Variants in TFEB observed in about 807,000 individuals in gnomAD.
TFEB encodes the protein transcription factor EB.
Under a neutral mutation model 48.0 loss-of-function variants are expected in TFEB, and 12 were observed. The ratio of observed to expected loss-of-function variants is 0.25; its 90% confidence interval spans 0.16 to 0.40. The LOEUF (loss-of-function observed/expected upper bound fraction) is 0.40, where lower values mean the gene tolerates loss of function less well. Among genes scored for constraint, TFEB ranks in the 10% least tolerant of loss-of-function variants. The probability of loss-of-function intolerance (pLI) is 1.00; values close to 1 mark genes in which losing one functional copy is unlikely to be tolerated. For missense variants in TFEB, 509 were observed against 640.3 expected, an observed-to-expected ratio of 0.79 and a Z score of 2.21; for synonymous variants, 244 against 261.4, an observed-to-expected ratio of 0.93 and a Z score of 0.64.
chr6:41,691,438 G>A lies in TFEB; in HGVS notation c.-22-203C>T, dbSNP rs1376902750. The A allele has an allele frequency of 1.4e-6, 1 of 721,212 alleles. No individual in the cohort carries two copies. The highest frequency in any genetic ancestry group is 1.7e-5 in the African/African-American group (1 of 57,312). The allele number at this position is 721,212 out of a possible 1,614,324, so 44.7% of individuals were successfully genotyped here. On this transcript the variant is annotated intron_variant, in intron 1 of 8. Transcript: ENST00000373033. The surrounding 1 kb of genome is among the most constrained non-coding windows in gnomAD (Gnocchi z 5.2). ...ATGAATCCAAGTTTCCTGGTTCCTG[G>A]ACCAAAACTGAAGGTTCTGTCTTCT...
chr6:41,690,186 A>G (rs935979845), intron 3 of TFEB, among the ~76,000 whole-genome samples: 6 of 150,310 alleles, frequency 4.0e-5, no homozygotes, highest in African/African-American at 7.4e-5. Context: ...GCTGAAGTGC[A>G]GTGGCTCGAT....
At chr6:41,712,632 C>T (rs1770533116) in intron 1 of TFEB, among the ~76,000 whole-genome samples, 2 of 152,188 alleles carry the variant, frequency 1.3e-5, no homozygotes, top group Non-Finnish European at 2.9e-5. Context: ...CACCAGGGGC[C>T]CAAGGGCTCA....
At chr6:41,721,404 C>T (rs1320082053) in intron 1 of TFEB, among the ~76,000 whole-genome samples, 5 of 149,248 alleles carry the variant, frequency 3.4e-5, no homozygotes, top group Admixed American at 1.3e-4. Flanking sequence ...CACACACACA[C>T]GAAACATGTT....
chr6:41,684,813 TCCCTGCCCC>T lies in TFEB; in HGVS notation c.1208_1216del (p.Gly403_Arg405del), dbSNP rs1402409159. On this transcript the variant is annotated inframe_deletion, in exon 9 of 9. Coordinates refer to ENST00000373033, the MANE Select transcript of TFEB (RefSeq NM_001271944.2). ...GGGGTAGCCCGGGGGACCCTCGTCC[TCCCTGCCCC>T]CAAAGCTCAGGCTGTGGCTGAAGTC... 2 of 1,597,692 alleles carry T rather than the reference TCCCTGCCCC, an allele frequency of 1.3e-6. No individual in the cohort carries two copies. The highest frequency in any genetic ancestry group is 4.5e-5 in the East Asian group (2 of 44,556).
intron 1 of TFEB, among the ~76,000 whole-genome samples, chr6:41,721,230 C>T (rs1311418559): frequency 6.6e-6 from 1 of 152,168 alleles, no homozygotes; most frequent in Non-Finnish European, 1.5e-5. Context: ...GGCACCCTGG[C>T]CATAGCACTG....
chr6:41,736,088 T>C (rs1026685877), upstream of TFEB: 20 of 1,609,752 alleles, frequency 1.2e-5, no homozygotes, highest in East Asian at 8.9e-5. Context: ...CAGGGTAAAA[T>C]ATGACAGTAG....
chr6:41,695,708 T>C (rs1211561675), intron 1 of TFEB, among the ~76,000 whole-genome samples: 1 of 151,692 alleles, frequency 6.6e-6, no homozygotes. Flanking sequence ...GAAGGGGCAA[T>C]GGAGGGGGAG....
At chr6:41,727,058 G>A (rs548319443) in intron 1 of TFEB, among the ~76,000 whole-genome samples, 79 of 152,096 alleles carry the variant, frequency 5.2e-4, no homozygotes, top group African/African-American at 1.7e-3. Context: ...TCTTTCACCC[G>A]CCACCCCGCC....
chr6:41,723,579 GCTGCTGTTTCTCACCCAGCCCC>G lies in TFEB; in HGVS notation c.-23+11749_-23+11770del. On this transcript the variant is annotated intron_variant, in intron 1 of 8. Transcript: ENST00000373033. The surrounding 1 kb of genome is among the most constrained non-coding windows in gnomAD (Gnocchi z 6.0). ...GCTCAGTTTCCTCATTTCCCCGGCG[GCTGCTGTTTCTCACCCAGCCCC>G]CTGCACCTCAGCTGGAGAGGAAGTT... 1 of 1,246,448 alleles carries G rather than the reference GCTGCTGTTTCTCACCCAGCCCC, an allele frequency of 8.0e-7. No homozygotes were observed. The highest frequency in any genetic ancestry group is 1.3e-5 in the South Asian group (1 of 74,530). 77.2% of individuals were successfully genotyped at this position (1,246,448 alleles called of 1,614,324 possible).
At chr6:41,689,694 A>T in intron 4 of TFEB, 37 bp downstream of exon 4, 1 of 1,548,762 alleles carries the variant, frequency 6.5e-7, no homozygotes, top group Non-Finnish European at 8.9e-7. Context: ...CCCTCCCTAG[A>T]ACCCTTGCAC....
At chr6:41,733,955 G>A in intron 1 of TFEB, 1 of 891,260 alleles carries the variant, frequency 1.1e-6, no homozygotes, top group Non-Finnish European at 1.3e-6. Flanking sequence ...GCGGGTGCAG[G>A]GGCCTGAGGC....
rs1771130245 is a variant in TFEB at position 41,724,631 on chromosome 6, C to T, written c.-23+10719G>A. On this transcript the variant is annotated intron_variant, in intron 1 of 8. Coordinates refer to ENST00000373033, the MANE Select transcript of TFEB (RefSeq NM_001271944.2). This position sits in a 1 kb window ranked among gnomAD's most constrained non-coding sequence, Gnocchi z 4.4. Reference sequence around the variant, plus strand: ...GACCTCTGGCTCCCGCCCCTTGCCGCCCGAGACCTGCAATGGGGCCTCAGA... The same window carrying T: ...GACCTCTGGCTCCCGCCCCTTGCCGTCCGAGACCTGCAATGGGGCCTCAGA... 6.6e-6 allele frequency among the ~76,000 whole-genome samples: 1 copy of T among 152,164 alleles called. No individual in the cohort carries two copies. The highest frequency in any genetic ancestry group is 1.5e-5 in the Non-Finnish European group (1 of 68,012).
At chr6:41,735,212 C>T in intron 1 of TFEB, 138 bp downstream of exon 1, 2 of 906,812 alleles carry the variant, frequency 2.2e-6, no homozygotes, top group Non-Finnish European at 2.6e-6. Context: ...GGTGGCGGCG[C>T]GCACGGTCCT....
In TFEB at chr6:41,709,529, G is replaced by GTGGATGGATGGATGGA. The variant is rs10604830; in HGVS notation, c.-22-18310_-22-18295dup. 1.5e-3 allele frequency among the ~76,000 whole-genome samples: 227 copies of GTGGATGGATGGATGGA among 149,446 alleles called. 2 individuals are homozygous for GTGGATGGATGGATGGA. Among genetic ancestry groups the GTGGATGGATGGATGGA allele is most frequent in the East Asian group, 6.4e-3 (32 of 4,972 alleles). On this transcript the variant is annotated intron_variant, in intron 1 of 8. Coordinates refer to ENST00000373033, the MANE Select transcript of TFEB (RefSeq NM_001271944.2). Reference sequence around the variant, plus strand: ...CATGAAAAAGTAGATATAATGGTTGGTGGATGGATGGATGGATGGATGGAT... The same window carrying GTGGATGGATGGATGGA: ...CATGAAAAAGTAGATATAATGGTTGGTGGATGGATGGATGGATGGATGGATGGATGGATGGATGGAT...
At chr6:41,722,678 A>G (rs910765617) in intron 1 of TFEB, among the ~76,000 whole-genome samples, 22 of 152,242 alleles carry the variant, frequency 1.4e-4, no homozygotes, top group Admixed American at 3.9e-4. Flanking sequence ...AGTACCTGAC[A>G]TGGAATAAGG....
intron 6 of TFEB, 170 bp downstream of exon 6, chr6:41,687,583 A>G: frequency 1.3e-6 from 1 of 786,548 alleles, no homozygotes; most frequent in South Asian, 1.7e-5. Flanking sequence ...CAGCACTAAT[A>G]GTCCCAGGCA....
At chr6:41,727,767 A>T (rs1771273607) in intron 1 of TFEB, among the ~76,000 whole-genome samples, 1 of 152,204 alleles carries the variant, frequency 6.6e-6, no homozygotes, top group African/African-American at 2.4e-5. Flanking sequence ...CCAAGCATGG[A>T]GGCTCAGTCA....
At position 41,686,097 on chromosome 6, in the gene TFEB, C is replaced by G. The variant is rs371625604; in HGVS notation, c.944G>C (p.Arg315Pro). The G allele has an allele frequency of 6.2e-7, 1 of 1,614,244 alleles. No homozygotes were observed. Among genetic ancestry groups the G allele is most frequent in the Non-Finnish European group, 8.5e-7 (1 of 1,180,046 alleles). The change falls in exon 8 of 9, where the codon CGT (arginine) becomes CCT (proline). Residue 315 changes from arginine to proline, a missense_variant. Transcript: ENST00000373033. ...CCAAGTTCAGGACCAGACCTGGATA[C>G]GGAGCCAGAGCTGCTTGTTGGTCAT... ...LEMTNKQLWL[R>P]IQELEMQARV...
chr6:41,716,420 C>G (rs1170325434), intron 1 of TFEB, among the ~76,000 whole-genome samples: 46 of 139,226 alleles, frequency 3.3e-4, no homozygotes, highest in Admixed American at 3.1e-3. Flanking sequence ...ATGTGGGAAA[C>G]CTATCTGATG....
Sources: allele counts gnomAD v4.1 joint callset (sites outside exome capture counted in the v4.1 genomes callset), GRCh38; gene constraint gnomAD v4.1.1; non-coding constraint Gnocchi (gnomAD v3.1); transcripts MANE v1.5; gene names NCBI Gene and HGNC (gene_info 2026-07-23, HGNC 2026-07-21).